KCTD16: variants seen among roughly 807,000 people sequenced by gnomAD.
KCTD16 encodes BTB/POZ domain-containing protein KCTD16.
A neutral mutation model predicts 33.2 loss-of-function variants in KCTD16; 13 were observed. The ratio of observed to expected loss-of-function variants is 0.39; its 90% CI spans 0.25 to 0.62. The LOEUF is 0.62. Ranked by LOEUF, KCTD16 falls within the 20% of genes least tolerant of loss-of-function variation. The pLI is 0.50. For synonymous variants in KCTD16, 197 were observed against 195.3 expected, an observed-to-expected ratio of 1.01 and a Z score of -0.07; for missense variants, 441 against 525.1, an observed-to-expected ratio of 0.84 and a Z score of 1.57.
chr5:144,190,505 T>C (rs1425198446), intron 2 of KCTD16, among the ~76,000 whole-genome samples: 1 of 152,274 alleles, frequency 6.6e-6, no homozygotes, highest in African/African-American at 2.4e-5. Flanking sequence ...GACAGTCATG[T>C]AGTAGTGATT....
chr5:144,392,409 T>C (rs1489260705), intron 3 of KCTD16, among the ~76,000 whole-genome samples: 1 of 152,192 alleles, frequency 6.6e-6, no homozygotes, highest in Non-Finnish European at 1.5e-5. Context: ...CATTATAAGC[T>C]AAATGCAAAG....
chr5:144,199,214 CA>C (rs1752995485), intron 2 of KCTD16, among the ~76,000 whole-genome samples: 1 of 152,118 alleles, frequency 6.6e-6, no homozygotes, highest in African/African-American at 2.4e-5. Flanking sequence ...GGAATGACAA[CA>C]AAGACGCCTT....
At chr5:144,304,237 C>T (rs1400741079) in intron 3 of KCTD16, among the ~76,000 whole-genome samples, 1 of 152,094 alleles carries the variant, frequency 6.6e-6, no homozygotes, top group African/African-American at 2.4e-5. Flanking sequence ...CTGCGATGAG[C>T]CAGTGTGGGT....
intron 3 of KCTD16, among the ~76,000 whole-genome samples, chr5:144,321,291 T>C (rs1338866007): frequency 1.3e-5 from 2 of 152,218 alleles, no homozygotes; most frequent in Non-Finnish European, 2.9e-5. Context: ...ATGAATCACC[T>C]GCTTCGAAAT....
At chr5:144,367,666 G>T (rs1191123672) in intron 3 of KCTD16, among the ~76,000 whole-genome samples, 1 of 151,104 alleles carries the variant, frequency 6.6e-6, no homozygotes, top group East Asian at 1.9e-4. Context: ...CTCTAGAATT[G>T]TTTTATTTTT....
chr5:144,262,174 A>C (rs1055879680), intron 3 of KCTD16, among the ~76,000 whole-genome samples: 1 of 152,198 alleles, frequency 6.6e-6, no homozygotes, highest in Non-Finnish European at 1.5e-5. Context: ...AGCAGGGAAC[A>C]TATGAACCAA....
At position 144,484,587 on chromosome 5, in the gene KCTD16, G is replaced by T. The variant is rs1754766142; in HGVS notation, c.*10473G>T. The T allele has an allele frequency of 6.6e-6, 1 of 151,978 alleles. No homozygotes were observed. Among genetic ancestry groups the T allele is most frequent in the Non-Finnish European group, 1.5e-5 (1 of 67,928 alleles). The allele number at this position is 151,978 out of a possible 1,614,324, so 9.4% of individuals were successfully genotyped here. A position where few individuals can be genotyped will look rare whatever the true frequency, so the allele number is the denominator to read the frequency against. On this transcript the variant is annotated 3_prime_UTR_variant, in exon 4 of 4. Transcript: ENST00000512467. The stretch of plus-strand genomic sequence containing the variant: ...ATCAGGTTACCTGGAAATTTCAAGT[G>T]CATCTGACCAGGGATTATCAAGCTC...
rs142953381 is a variant in KCTD16 at position 144,352,345 on chromosome 5, G to A, written c.833-121315G>A. On this transcript the variant is annotated intron_variant, in intron 3 of 3. Transcript: ENST00000512467. ...ACCGCAGGTGATAGGACATTGTGAGGTTCATTCATATTGAATACGAAGTGG... is the reference window on the plus strand; with the variant it reads ...ACCGCAGGTGATAGGACATTGTGAGATTCATTCATATTGAATACGAAGTGG... Among the ~76,000 whole-genome samples, 690 of 152,230 alleles carry A rather than the reference G, an allele frequency of 4.5e-3. 10 individuals are homozygous for A. Among genetic ancestry groups the A allele is most frequent in the African/African-American group, 0.016 (661 of 41,522 alleles).
At chr5:144,343,003 G>A (rs1267632206) in intron 3 of KCTD16, among the ~76,000 whole-genome samples, 1 of 152,142 alleles carries the variant, frequency 6.6e-6, no homozygotes, top group African/African-American at 2.4e-5. Flanking sequence ...GAGGATTTTT[G>A]CATCAATGTT....
rs376495014 is a variant in KCTD16 at position 144,246,211 on chromosome 5, A to G, written c.832+38665A>G. ...ATCATTATGTTTATAGGGAAGAGTA[A>G]TTTAATGTGAACTCTTCAATCCAGA... is the stretch of plus-strand genomic sequence containing the variant. On this transcript the variant is annotated intron_variant, in intron 3 of 3. Transcript: ENST00000512467. Among the ~76,000 whole-genome samples, 11 of 152,296 alleles carry G rather than the reference A, an allele frequency of 7.2e-5. No homozygotes were observed. The East Asian group carries it at 1.4e-3, about 19-fold the overall frequency.
intron 3 of KCTD16, among the ~76,000 whole-genome samples, chr5:144,398,749 A>C (rs1283497658): frequency 6.7e-6 from 1 of 149,932 alleles, no homozygotes; most frequent in Non-Finnish European, 1.5e-5. Flanking sequence ...AATGTACCCC[A>C]AAGGAAGACT....
chr5:144,314,297 G>C (rs1251993261), intron 3 of KCTD16, among the ~76,000 whole-genome samples: 2 of 152,152 alleles, frequency 1.3e-5, no homozygotes, highest in Non-Finnish European at 2.9e-5. Flanking sequence ...GAATTCCTTG[G>C]AACATTGGGG....
chr5:144,358,371 C>T (rs1561579304), intron 3 of KCTD16, among the ~76,000 whole-genome samples: 1 of 152,102 alleles, frequency 6.6e-6, no homozygotes. Flanking sequence ...TTTTTTAAAG[C>T]TATTGTCATA....
intron 2 of KCTD16, among the ~76,000 whole-genome samples, chr5:144,182,391 A>G (rs530849974): frequency 2.6e-5 from 4 of 152,220 alleles, no homozygotes; most frequent in South Asian, 2.1e-4. Flanking sequence ...AGACTAAAAC[A>G]TATGTGGAAT....
At chr5:144,398,579 A>G (rs983063995) in intron 3 of KCTD16, among the ~76,000 whole-genome samples, 6 of 152,224 alleles carry the variant, frequency 3.9e-5, no homozygotes, top group African/African-American at 1.4e-4. Context: ...TTATATCCGC[A>G]AGTTGTTTTT....
intron 2 of KCTD16, among the ~76,000 whole-genome samples, chr5:144,178,178 A>G (rs1752544430): frequency 6.6e-6 from 1 of 152,214 alleles, no homozygotes. Flanking sequence ...TAAATGAGTA[A>G]AAGCCTGCTA....
At chr5:144,236,124 A>T (rs996220069) in intron 3 of KCTD16, among the ~76,000 whole-genome samples, 2 of 152,126 alleles carry the variant, frequency 1.3e-5, no homozygotes, top group African/African-American at 4.8e-5. Flanking sequence ...GAAGATAGAT[A>T]AAAAAATTGT....
At chr5:144,260,002 CT>C (rs992251662) in intron 3 of KCTD16, among the ~76,000 whole-genome samples, 1 of 152,170 alleles carries the variant, frequency 6.6e-6, no homozygotes, top group African/African-American at 2.4e-5. Context: ...AAATCAGCCC[CT>C]AAGCAGGTTG....
At chr5:144,448,140 G>A (rs1753862294) in intron 3 of KCTD16, among the ~76,000 whole-genome samples, 4 of 151,574 alleles carry the variant, frequency 2.6e-5, no homozygotes, top group Admixed American at 2.6e-4. Context: ...CTATCCCATT[G>A]ATGCTGTAGT....
Sources: allele counts gnomAD v4.1 joint callset (sites outside exome capture counted in the v4.1 genomes callset), GRCh38; gene constraint gnomAD v4.1.1; transcripts MANE v1.5; gene names NCBI Gene and HGNC (gene_info 2026-07-23, HGNC 2026-07-21).